CDCA8: variants seen among roughly 807,000 people sequenced by gnomAD.
The protein encoded by CDCA8 is borealin.
Under a neutral mutation model 40.0 loss-of-function variants are expected in CDCA8, and 25 were observed. The ratio of observed to expected loss-of-function variants is 0.63; its 90% CI spans 0.46 to 0.87. The LOEUF (loss-of-function observed/expected upper bound fraction) is 0.87. CDCA8 is among the 40% of genes least tolerant of loss of function. CDCA8 has a pLI of 0.00. For missense variants in CDCA8, 280 were observed against 348.4 expected (o/e 0.80, Z 1.56); for synonymous variants, 111 against 126.5 (o/e 0.88, Z 0.82).
chr1:37,703,496 A>C lies in CDCA8; in HGVS notation c.584+149A>C. 3 of 658,306 alleles carry C rather than the reference A, an allele frequency of 4.6e-6. No individual in the cohort carries two copies. In the South Asian group the frequency reaches 5.0e-5, roughly 11 times the overall value. 40.8% of individuals were successfully genotyped at this position (658,306 alleles called of 1,614,324 possible). A position where few individuals can be genotyped will look rare whatever the true frequency, so the allele number is the denominator to read the frequency against. ...TTTGAGAGGCCGAGGCAGGCGGATC[A>C]CTTGAGGTCAGGAGTTCAAGACCAG... On this transcript the variant is annotated intron_variant, in intron 7 of 9. Transcript: ENST00000373055.
intron 2 of CDCA8, among the ~76,000 whole-genome samples, 185 bp downstream of exon 2, chr1:37,693,218 G>C (rs1289643709): frequency 6.6e-6 from 1 of 150,880 alleles, no homozygotes; most frequent in Non-Finnish European, 1.5e-5. Flanking sequence ...TGAAAAATGG[G>C]GGGGTGGTTG....
At position 37,692,740 on chromosome 1, in the gene CDCA8, G is replaced by A. The variant is rs776659425; in HGVS notation, c.50G>A (p.Arg17Gln). The A allele has an allele frequency of 6.2e-7, 1 of 1,613,502 alleles. No homozygotes were observed. The highest frequency in any genetic ancestry group is 8.5e-7 in the Non-Finnish European group (1 of 1,179,998). ...SSRVAKTNSL[R>Q]RRKLASFLKD... ...CGGGTGGCCAAGACCAACTCCTTAC[G>A]GAGGCGGAAGCTCGCCTCCTTTCTG... Residue 17 changes from arginine (R) to glutamine (Q), a missense_variant, in exon 1 of 10, where the codon CGG (arginine) becomes CAG (glutamine). Transcript: ENST00000373055.
intron 7 of CDCA8, among the ~76,000 whole-genome samples, chr1:37,703,736 TCC>T (rs1645580550): frequency 6.6e-6 from 1 of 151,860 alleles, no homozygotes. Context: ...AAGAAAATAG[TCC>T]CGAGTCCTTG....
intron 7 of CDCA8, 78 bp downstream of exon 7, chr1:37,703,425 A>C: frequency 9.0e-7 from 1 of 1,107,650 alleles, no homozygotes; most frequent in Non-Finnish European, 1.4e-6. Context: ...GTCTAAGAAA[A>C]TACTCCTAGG....
chr1:37,706,993 G>T lies in CDCA8; in HGVS notation c.727G>T (p.Ala243Ser). The T allele has an allele frequency of 6.2e-7, 1 of 1,614,094 alleles. No individual in the cohort carries two copies. Among genetic ancestry groups the T allele is most frequent in the East Asian group, 2.2e-5 (1 of 44,886 alleles). Residue 243 changes from alanine (A) to serine (S), a missense_variant, in exon 9 of 10, where the codon GCC (alanine) becomes TCC (serine). By Grantham distance (99) the Ala-to-Ser change is moderately conservative. Transcript: ENST00000373055. The stretch of plus-strand genomic sequence containing the variant: ...TTCTATTCAGAGCCTGCGATTATTG[G>T]CCAGTGACTTGCAGAGGCACAGTAT... ...VGGGESLRLL[A>S]SDLQRHSIAQ...
chr1:37,699,020 G>A (rs756701781), intron 4 of CDCA8, 43 bp downstream of exon 4: 2 of 1,401,844 alleles, frequency 1.4e-6, no homozygotes, highest in African/African-American at 2.8e-5. Flanking sequence ...AAAGAACTGA[G>A]GCTCAGGTTG....
At chr1:37,692,866 G>A (rs746528094) in intron 1 of CDCA8, 39 bp from the exon 2 acceptor site, 1 of 1,613,064 alleles carries the variant, frequency 6.2e-7, no homozygotes, top group South Asian at 1.1e-5. Flanking sequence ...AGATTCGCCC[G>A]CCCGTGACCC....
chr1:37,706,715 G>C (rs1161649466), intron 8 of CDCA8, among the ~76,000 whole-genome samples: 1 of 152,242 alleles, frequency 6.6e-6, no homozygotes. Flanking sequence ...GCCCCTGTGA[G>C]GGGAGGACGG....
chr1:37,697,502 C>CA (rs1265069753), intron 3 of CDCA8, among the ~76,000 whole-genome samples: 1 of 152,196 alleles, frequency 6.6e-6, no homozygotes, highest in Non-Finnish European at 1.5e-5. Context: ...TAGCACATGT[C>CA]AAAATCCTAG....
Position 37,708,363 on chromosome 1 carries a change from A to G in CDCA8, c.840A>G (p.Lys280=), listed in dbSNP as rs1645617185. The change falls in exon 10 of 10, where the codon AAA becomes AAG. Residue 280 remains lysine, a synonymous_variant. Coordinates refer to ENST00000373055, the MANE Select transcript of CDCA8 (RefSeq NM_001256875.2). ...TCTGCAGCAGCATACGGACCCACAA[A>G]TGAGACACCAAAGTTGACAGGATGG... is the stretch of plus-strand genomic sequence containing the variant. ...AQICSSIRTH[K] is the part of the protein sequence containing the mutation. 1.9e-6 allele frequency: 3 copies of G among 1,613,940 alleles called. No individual in the cohort carries two copies. Among genetic ancestry groups the G allele is most frequent in the East Asian group, 2.2e-5 (1 of 44,888 alleles).
intron 7 of CDCA8, among the ~76,000 whole-genome samples, chr1:37,704,761 C>T (rs1193615942): frequency 6.6e-6 from 1 of 150,914 alleles, no homozygotes; most frequent in East Asian, 2.0e-4. Flanking sequence ...AATTCTCCTG[C>T]CTCAGCCTCC....
chr1:37,699,067 GC>G, intron 4 of CDCA8, 90 bp downstream of exon 4: 2 of 818,046 alleles, frequency 2.4e-6, no homozygotes, highest in Non-Finnish European at 4.2e-6. Flanking sequence ...TGTTGGTAGA[GC>G]CTCTTCCCTT....
chr1:37,709,147 C>CTAGT lies in CDCA8; in HGVS notation c.*786_*789dup, dbSNP rs1263993117. 2 of 152,212 alleles carry CTAGT rather than the reference C, an allele frequency of 1.3e-5. No individual in the cohort carries two copies. Among genetic ancestry groups the CTAGT allele is most frequent in the East Asian group, 3.8e-4 (2 of 5,198 alleles). The allele number at this position is 152,212 out of a possible 1,614,324, so 9.4% of individuals were successfully genotyped here. On this transcript the variant is annotated 3_prime_UTR_variant, in exon 10 of 10. Transcript: ENST00000373055. Reference sequence around the variant, plus strand: ...TTCCATGTCTTGCTCTTCTACCTCCCTAGTTAGTGGAAATTTGGATAAGGG... The same window carrying CTAGT: ...TTCCATGTCTTGCTCTTCTACCTCCCTAGTTAGTTAGTGGAAATTTGGATAAGGG...
intron 3 of CDCA8, among the ~76,000 whole-genome samples, chr1:37,697,242 GC>G (rs1369279459): frequency 1.3e-5 from 2 of 152,212 alleles, no homozygotes; most frequent in African/African-American, 4.8e-5. Context: ...GATTCATGGG[GC>G]TCAGCATACA....
intron 3 of CDCA8, among the ~76,000 whole-genome samples, chr1:37,698,583 CA>C (rs1421700247): frequency 1.5e-4 from 23 of 152,228 alleles, no homozygotes; most frequent in South Asian, 2.1e-4. Flanking sequence ...TGAGCACATA[CA>C]CATGTACCTT....
At chr1:37,701,214 G>A (rs958800795) in intron 5 of CDCA8, among the ~76,000 whole-genome samples, 1 of 152,184 alleles carries the variant, frequency 6.6e-6, no homozygotes, top group Non-Finnish European at 1.5e-5. Flanking sequence ...GTTGTGCAGG[G>A]AGAGCAGGAA....
intron 8 of CDCA8, 71 bp downstream of exon 8, chr1:37,705,638 C>G: frequency 6.4e-7 from 1 of 1,566,180 alleles, no homozygotes; most frequent in Non-Finnish European, 8.7e-7. Context: ...CCTGGGCCCT[C>G]ACCCACGCTT....
rs975174414 is a variant in CDCA8 at position 37,708,707 on chromosome 1, CGAA to C, written c.*348_*350del. 9.1e-6 allele frequency: 3 copies of C among 331,372 alleles called. No homozygotes were observed. The highest frequency in any genetic ancestry group is 4.2e-5 in the African/African-American group (2 of 47,734). 20.5% of individuals were successfully genotyped at this position (331,372 alleles called of 1,614,324 possible). ...CCTGCCCTGCCTGCAGTTGAGGGGG[CGAA>C]GAAGAACCCTGTGTTCTCAGGAAGA... On this transcript the variant is annotated 3_prime_UTR_variant, in exon 10 of 10. Transcript: ENST00000373055.
chr1:37,702,011 T>C (rs1352470966), intron 6 of CDCA8, among the ~76,000 whole-genome samples, 193 bp downstream of exon 6: 1 of 151,152 alleles, frequency 6.6e-6, no homozygotes, highest in Non-Finnish European at 1.5e-5. Flanking sequence ...TCCAGTACTT[T>C]AATGTACATT....
Sources: gnomAD v4.1 joint callset for allele counts (sites outside exome capture counted in the v4.1 genomes callset) on GRCh38, gnomAD v4.1.1 for gene constraint, MANE v1.5 for transcripts, NCBI Gene and HGNC (gene_info 2026-07-23, HGNC 2026-07-21) for gene names.